THADA: variants seen among roughly 807,000 people sequenced by gnomAD.
THADA encodes the protein tRNA (32-2'-O)-methyltransferase regulator THADA.
Under a neutral mutation model 219.8 loss-of-function variants are expected in THADA, and 213 were observed. That is an observed-to-expected ratio of 0.97 (90% CI 0.87 to 1.09). The LOEUF (loss-of-function observed/expected upper bound fraction) is 1.09, where lower values mean the gene tolerates loss of function less well. Among genes scored for constraint, THADA ranks in the 50% least tolerant of loss-of-function variants. The probability of loss-of-function intolerance (pLI) is 0.00; values close to 1 mark genes in which losing one functional copy is unlikely to be tolerated. For missense variants in THADA, 2,956 were observed against 2,311.3 expected (o/e 1.28, Z -5.72); for synonymous variants, 1,018 against 828.9 (o/e 1.23, Z -3.92).
chr2:43,428,197 A>G lies in THADA; in HGVS notation c.3961T>C (p.Phe1321Leu). The G allele has an allele frequency of 6.2e-7, 1 of 1,606,196 alleles. No homozygotes were observed. The highest frequency in any genetic ancestry group is 8.5e-7 in the Non-Finnish European group (1 of 1,175,514). Residue 1321 changes from phenylalanine (F) to leucine (L), a missense_variant, in exon 28 of 38, where the codon TTT (phenylalanine) becomes CTT (leucine). Coordinates refer to ENST00000405975, the MANE Select transcript of THADA (RefSeq NM_022065.5). ...MGEPNRHPSMFLLLLVLERLY... is the reference protein window; with the variant it reads ...MGEPNRHPSMLLLLLVLERLY... ...CTCTCCAACACCAAAAGTAAGAGAA[A>G]CATGCTTGGATGACGATTTGGTTCT...
At chr2:43,406,820 G>T (rs1489597430) in intron 28 of THADA, among the ~76,000 whole-genome samples, 1 of 152,080 alleles carries the variant, frequency 6.6e-6, no homozygotes, top group East Asian at 1.9e-4. Context: ...AGCTGGAAAA[G>T]CATTCCGGAT....
intron 28 of THADA, among the ~76,000 whole-genome samples, chr2:43,411,001 A>G (rs1282373211): frequency 6.6e-6 from 1 of 152,226 alleles, no homozygotes; most frequent in Non-Finnish European, 1.5e-5. Context: ...CAGATTAAAC[A>G]AGCCCAGCTA....
chr2:43,507,788 T>A (rs539606791), intron 23 of THADA, among the ~76,000 whole-genome samples: 3 of 152,346 alleles, frequency 2.0e-5, no homozygotes, highest in East Asian at 3.9e-4. Context: ...TCTGATTTAG[T>A]ATTGTGAAGA....
At chr2:43,290,974 C>T (rs1674622534) in intron 34 of THADA, among the ~76,000 whole-genome samples, 1 of 152,000 alleles carries the variant, frequency 6.6e-6, no homozygotes, top group African/African-American at 2.4e-5. Flanking sequence ...AATATTTAAG[C>T]CTTAGCGATG....
At chr2:43,425,287 G>C (rs1678268256) in intron 28 of THADA, among the ~76,000 whole-genome samples, 3 of 152,068 alleles carry the variant, frequency 2.0e-5, no homozygotes, top group Admixed American at 2.0e-4. Flanking sequence ...AGAAAGACGG[G>C]GCTCAACAAA....
At chr2:43,453,278 G>A (rs1273956853) in intron 26 of THADA, among the ~76,000 whole-genome samples, 2 of 152,170 alleles carry the variant, frequency 1.3e-5, no homozygotes, top group Non-Finnish European at 2.9e-5. Flanking sequence ...CTTAAGAAGT[G>A]GACATCCATC....
intron 31 of THADA, among the ~76,000 whole-genome samples, chr2:43,313,592 G>A (rs567894214): frequency 1.3e-5 from 2 of 152,360 alleles, no homozygotes; most frequent in African/African-American, 4.8e-5. Context: ...GCAGTCAAGC[G>A]TGCTCTTTCT....
At chr2:43,441,345 T>G (rs910937219) in intron 26 of THADA, among the ~76,000 whole-genome samples, 2 of 152,202 alleles carry the variant, frequency 1.3e-5, no homozygotes, top group African/African-American at 4.8e-5. Context: ...GAGCTCCATG[T>G]ACTCGCCAGG....
chr2:43,577,124 T>G lies in THADA; in HGVS notation c.935A>C (p.Gln312Pro). The G allele has an allele frequency of 6.2e-7, 1 of 1,612,878 alleles. No homozygotes were observed. The highest frequency in any genetic ancestry group is 8.5e-7 in the Non-Finnish European group (1 of 1,179,494). ...CCAGTCCAACATGGCAAGTGTCCCC[T>G]GACAGAGGAATAAGACAGCTGACTG... ...ISQSAVLFLC[Q>P]GTLAMLDWQN... Residue 312 changes from glutamine (Q) to proline (P), a missense_variant, in exon 10 of 38, where the codon CAG becomes CCG. By Grantham distance (76) the Gln-to-Pro change is moderately conservative. Coordinates refer to ENST00000405975, the MANE Select transcript of THADA (RefSeq NM_022065.5).
chr2:43,469,768 T>A (rs1478536488), intron 26 of THADA, among the ~76,000 whole-genome samples: 1 of 152,118 alleles, frequency 6.6e-6, no homozygotes, highest in Non-Finnish European at 1.5e-5. Context: ...TGCTCAATGA[T>A]AAGTAGGTGG....
chr2:43,311,875 G>T (rs1425513860), intron 31 of THADA, among the ~76,000 whole-genome samples: 1 of 152,156 alleles, frequency 6.6e-6, no homozygotes, highest in African/African-American at 2.4e-5. Context: ...TGCAGCTGGA[G>T]CTGGGAAAGG....
chr2:43,592,097 C>G (rs1243409153), intron 2 of THADA, 51 bp from the exon 3 acceptor site: 1 of 1,423,578 alleles, frequency 7.0e-7, no homozygotes, highest in Non-Finnish European at 9.5e-7. Flanking sequence ...AGTGAGTTAA[C>G]TTTGCCTTTG....
intron 22 of THADA, among the ~76,000 whole-genome samples, chr2:43,522,416 C>A (rs914229207): frequency 6.6e-6 from 1 of 152,038 alleles, no homozygotes; most frequent in African/African-American, 2.4e-5. Context: ...AATTGAATTA[C>A]CAATCAGAGG....
At chr2:43,572,422 C>T (rs765419059) in intron 12 of THADA, among the ~76,000 whole-genome samples, 11 of 152,284 alleles carry the variant, frequency 7.2e-5, no homozygotes, top group Non-Finnish European at 1.2e-4. Context: ...CATTTGGGTC[C>T]CTCCATTTTG....
intron 34 of THADA, among the ~76,000 whole-genome samples, chr2:43,289,701 G>A (rs934749703): frequency 2.6e-5 from 4 of 152,134 alleles, no homozygotes; most frequent in African/African-American, 9.7e-5. Context: ...GCCCAGGCTG[G>A]AGTACAGTGA....
rs922424696 is a variant in THADA at position 43,399,601 on chromosome 2, C to T, written c.4059-1462G>A. The stretch of plus-strand genomic sequence containing the variant: ...GTGTCTTTTTCCCCCAAGACAGTTA[C>T]GTCTATTGGGTAGGTCCAGCAGCAC... On this transcript the variant is annotated intron_variant, in intron 28 of 37. Coordinates refer to ENST00000405975, the MANE Select transcript of THADA (RefSeq NM_022065.5). Among the ~76,000 whole-genome samples, 15 of 152,184 alleles carry T rather than the reference C, an allele frequency of 9.9e-5. No homozygotes were observed. In the East Asian group the frequency reaches 2.7e-3, roughly 27 times the overall value.
At chr2:43,242,820 C>T (rs1044434708) in intron 36 of THADA, among the ~76,000 whole-genome samples, 8 of 152,168 alleles carry the variant, frequency 5.3e-5, no homozygotes, top group Non-Finnish European at 8.8e-5. Flanking sequence ...CTTTGCTAAG[C>T]TGCTCATAAG....
intron 14 of THADA, among the ~76,000 whole-genome samples, chr2:43,568,571 T>C (rs1422648036): frequency 6.6e-6 from 1 of 152,230 alleles, no homozygotes; most frequent in African/African-American, 2.4e-5. Context: ...CATGCATACA[T>C]GAAAATTCAC....
intron 25 of THADA, among the ~76,000 whole-genome samples, chr2:43,487,176 G>C (rs922785041): frequency 6.6e-6 from 1 of 152,066 alleles, no homozygotes; most frequent in Non-Finnish European, 1.5e-5. Flanking sequence ...TTCAGGTCTG[G>C]ATTATCTTCT....
Sources: allele counts gnomAD v4.1 joint callset (sites outside exome capture counted in the v4.1 genomes callset), GRCh38; gene constraint gnomAD v4.1.1; transcripts MANE v1.5; gene names NCBI Gene and HGNC (gene_info 2026-07-23, HGNC 2026-07-21).